The following PGM1 variants were observed in gnomAD, a reference collection of about 807,000 sequenced individuals.
PGM1 encodes phosphoglucomutase-1.
A neutral mutation model predicts 55.6 loss-of-function variants in PGM1; 52 were observed. The ratio of observed to expected loss-of-function variants is 0.94; its 90% CI spans 0.75 to 1.18. The LOEUF is 1.18. Ranked by LOEUF, PGM1 falls within the 50% of genes most tolerant of loss-of-function variation. The pLI is 0.00. For missense variants in PGM1, 724 were observed against 729.3 expected (o/e 0.99, Z 0.08); for synonymous variants, 287 against 271.7 (o/e 1.06, Z -0.55).
chr1:63,623,849 T>C, intron 1 of PGM1: 1 of 817,246 alleles, frequency 1.2e-6, no homozygotes. Context: ...GATTTATATG[T>C]GGTATACACT....
chr1:63,639,039 G>A (rs932142990), intron 7 of PGM1, among the ~76,000 whole-genome samples: 6 of 152,164 alleles, frequency 3.9e-5, no homozygotes, highest in East Asian at 3.9e-4. Flanking sequence ...AAGTTGGGGG[G>A]CCTCCTCAGC....
intron 1 of PGM1, among the ~76,000 whole-genome samples, chr1:63,613,259 CTTTTTTTTTT>C (rs11377805): frequency 1.9e-5 from 2 of 107,868 alleles, no homozygotes; most frequent in Non-Finnish European, 3.5e-5. Flanking sequence ...GTTGGCTTAT[CTTTTTTTTTT>C]TTTTTTTTTT....
At chr1:63,627,728 C>A (rs138289156) in intron 1 of PGM1, among the ~76,000 whole-genome samples, 2,429 of 152,216 alleles carry the variant, frequency 0.016, 127 homozygotes, top group Admixed American at 0.11. Context: ...ACCAGCCTCT[C>A]CTTCCACACC....
intron 1 of PGM1, among the ~76,000 whole-genome samples, chr1:63,615,910 A>G (rs189070595): frequency 6.6e-6 from 1 of 152,158 alleles, no homozygotes; most frequent in African/African-American, 2.4e-5. Flanking sequence ...GATCTTGGTG[A>G]AGGGAGCCCA....
At position 63,638,578 on chromosome 1, in the gene PGM1, A is replaced by G. The variant is rs539074081; in HGVS notation, c.1029-107A>G. On this transcript the variant is annotated intron_variant, in intron 6 of 10. Transcript: ENST00000371084. ...TTAGAATTATGTATGACTCTGAGCA[A>G]TGCTAAATGGGACCCTTGATTACAA... 125 of 801,602 alleles carry G rather than the reference A, an allele frequency of 1.6e-4. 2 individuals carry two copies. In the South Asian group the frequency reaches 1.6e-3, roughly 11 times the overall value. 49.7% of individuals were successfully genotyped at this position (801,602 alleles called of 1,614,324 possible). A position where few individuals can be genotyped will look rare whatever the true frequency, so the allele number is the denominator to read the frequency against.
At chr1:63,627,066 C>G (rs899303883) in intron 1 of PGM1, among the ~76,000 whole-genome samples, 6 of 75,760 alleles carry the variant, frequency 7.9e-5, no homozygotes, top group Admixed American at 1.3e-4. Context: ...CCCCCCCCCC[C>G]ACACACACAC....
rs949490442 is a variant in PGM1, at chr1:63,608,742, G to A, written c.246+15008G>A. ...GACTGGCACCTGTCATGAAAGCCCA[G>A]CTTCCTCTCTGGGCTGGGCCACACA... On this transcript the variant is annotated intron_variant, in intron 1 of 10. Coordinates refer to ENST00000371084, the MANE Select transcript of PGM1 (RefSeq NM_002633.3). Among the ~76,000 whole-genome samples the A allele has an allele frequency of 2.6e-5, 4 of 152,202 alleles. No individual in the cohort carries two copies. The East Asian group carries it at 5.8e-4, about 22-fold the overall frequency.
At chr1:63,620,626 G>T (rs903373134) in intron 1 of PGM1, among the ~76,000 whole-genome samples, 1 of 152,150 alleles carries the variant, frequency 6.6e-6, no homozygotes, top group Admixed American at 6.5e-5. Context: ...GTGAATAAAG[G>T]ATTGGTAAGT....
chr1:63,659,595 G>A lies in PGM1; in HGVS notation c.1609G>A (p.Ala537Thr), dbSNP rs1482428239. 1 of 1,613,384 alleles carries A rather than the reference G, an allele frequency of 6.2e-7. No homozygotes were observed. The highest frequency in any genetic ancestry group is 8.5e-7 in the Non-Finnish European group (1 of 1,179,510). Residue 537 changes from alanine (A) to threonine (T), a missense_variant, in exon 11 of 11, where the codon GCC becomes ACC. Ala to Thr is a moderately conservative substitution (Grantham distance 58). Coordinates refer to ENST00000371084, the MANE Select transcript of PGM1 (RefSeq NM_002633.3). ...TCTATGTCTTCCTCAGGTCATGTTG[G>A]CCCCCCTTATTTCCATTGCTCTGAA... The part of the protein sequence containing the change: ...KINQDPQVML[A>T]PLISIALKVS...
chr1:63,606,621 A>G (rs931709591), intron 1 of PGM1, among the ~76,000 whole-genome samples: 2 of 152,178 alleles, frequency 1.3e-5, no homozygotes, highest in African/African-American at 4.8e-5. Context: ...CATTAATCAA[A>G]ACTTAGCTAA....
chr1:63,612,590 C>G (rs2100967841), intron 1 of PGM1, among the ~76,000 whole-genome samples: 1 of 152,316 alleles, frequency 6.6e-6, no homozygotes, highest in Middle Eastern at 3.4e-3. Context: ...ACTCTCACCA[C>G]TTTTCTACCT....
rs773321431 is a variant in PGM1 at position 63,651,813 on chromosome 1, A to G, written c.1425A>G (p.Glu475=). Residue 475 remains glutamate, a synonymous_variant, in exon 9 of 11, where the codon GAA becomes GAG. Transcript: ENST00000371084. ...CTGTGGAGAAGGCCGATAACTTTGA[A>G]TACAGCGACCCAGTGGATGGAAGCA... is the stretch of plus-strand genomic sequence containing the variant. ...VYTVEKADNF[E]YSDPVDGSIS... is the part of the protein sequence containing the mutation. The G allele has an allele frequency of 1.9e-6, 3 of 1,614,110 alleles. No individual in the cohort carries two copies. Among genetic ancestry groups the G allele is most frequent in the Non-Finnish European group, 2.5e-6 (3 of 1,179,964 alleles).
intron 1 of PGM1, among the ~76,000 whole-genome samples, chr1:63,618,626 A>G (rs1343471831): frequency 6.6e-6 from 1 of 152,200 alleles, no homozygotes; most frequent in Non-Finnish European, 1.5e-5. Context: ...TTAAGAGAGT[A>G]TGTTTTAAAA....
chr1:63,594,074 C>A, intron 1 of PGM1: 1 of 1,061,246 alleles, frequency 9.4e-7, no homozygotes, highest in Non-Finnish European at 1.1e-6. Context: ...AGGCGTCTGA[C>A]ATTTGCCCTA....
intron 1 of PGM1, among the ~76,000 whole-genome samples, chr1:63,594,892 C>T (rs2100949865): frequency 7.1e-6 from 1 of 141,356 alleles, no homozygotes; most frequent in Non-Finnish European, 1.5e-5. Flanking sequence ...ACCCGGGAGG[C>T]GGAGCTTGCA....
chr1:63,635,050 G>T, intron 5 of PGM1, 31 bp downstream of exon 5: 1 of 1,586,806 alleles, frequency 6.3e-7, no homozygotes, highest in Non-Finnish European at 8.7e-7. Flanking sequence ...GTGAACTCTG[G>T]TGCAGGCCAG....
intron 5 of PGM1, among the ~76,000 whole-genome samples, chr1:63,635,777 A>C (rs1649345538): frequency 6.6e-6 from 1 of 152,150 alleles, no homozygotes. Flanking sequence ...GCATTCTGGG[A>C]GTGTTTTTTG....
intron 1 of PGM1, among the ~76,000 whole-genome samples, chr1:63,612,460 A>T (rs949144790): frequency 1.3e-5 from 2 of 152,154 alleles, no homozygotes; most frequent in Admixed American, 1.3e-4. Context: ...CGCAAAAAAA[A>T]TTTTGACATA....
rs1649325171 is a variant in PGM1, at chr1:63,634,973, T to G, written c.827T>G (p.Met276Arg). 1.9e-6 allele frequency: 3 copies of G among 1,613,992 alleles called. No homozygotes were observed. Among genetic ancestry groups the G allele is most frequent in the Non-Finnish European group, 2.5e-6 (3 of 1,179,986 alleles). ...LTYAADLVET[M>R]KSGEHDFGAA... ...TATGCAGCTGACCTGGTGGAGACCA[T>G]GAAGTCAGGAGAGCATGATTTTGGG... Residue 276 changes from methionine (M) to arginine (R), a missense_variant, in exon 5 of 11, where the codon ATG becomes AGG. Met to Arg is a moderately conservative substitution (Grantham distance 91). Around this residue, in one of 3 missense-constraint regions of PGM1, gnomAD observed 379 missense variants for 357.5 expected, o/e 1.06. Transcript: ENST00000371084.
Sources: allele counts gnomAD v4.1 joint callset (sites outside exome capture counted in the v4.1 genomes callset), GRCh38; gene constraint gnomAD v4.1.1; regional missense constraint gnomAD v4.1.1; transcripts MANE v1.5; gene names NCBI Gene and HGNC (gene_info 2026-07-23, HGNC 2026-07-21).